The following ELOVL7 variants were observed in gnomAD, a reference collection of about 807,000 sequenced individuals.
The protein encoded by ELOVL7 is ELOVL fatty acid elongase 7, also known as very long chain fatty acid elongase 7.
Under a neutral mutation model 35.7 loss-of-function variants are expected in ELOVL7, and 27 were observed. The ratio of observed to expected loss-of-function variants is 0.76; its 90% CI spans 0.56 to 1.04. The LOEUF is 1.04. Ranked by LOEUF, ELOVL7 falls within the 50% of genes least tolerant of loss-of-function variation. The pLI is 0.00. For synonymous variants in ELOVL7, 113 were observed against 114.6 expected (o/e 0.99, Z 0.09); for missense variants, 327 against 340.8 (o/e 0.96, Z 0.32).
At chr5:60,812,003 G>A (rs1745263591) in intron 1 of ELOVL7, among the ~76,000 whole-genome samples, 1 of 152,076 alleles carries the variant, frequency 6.6e-6, no homozygotes, top group Non-Finnish European at 1.5e-5. Flanking sequence ...ATTGCTTGAG[G>A]CCAGGAGTTT....
rs767476025 is a variant in ELOVL7 at position 60,754,257 on chromosome 5, G to C, written c.*367C>G. On this transcript the variant is annotated 3_prime_UTR_variant, in exon 9 of 9. Transcript: ENST00000508821. ...AATCTATTTTATCACATGGATCTCC[G>C]TCTGTGCTCAAAATACCTAATGATA... 5.2e-6 allele frequency: 1 copy of C among 191,854 alleles called. No homozygotes were observed. Among genetic ancestry groups the C allele is most frequent in the Admixed American group, 5.4e-5 (1 of 18,668 alleles). 11.9% of individuals were successfully genotyped at this position (191,854 alleles called of 1,614,324 possible). A position where few individuals can be genotyped will look rare whatever the true frequency, so the allele number is the denominator to read the frequency against.
At chr5:60,761,693 C>T (rs578085293) in intron 7 of ELOVL7, among the ~76,000 whole-genome samples, 1 of 151,982 alleles carries the variant, frequency 6.6e-6, no homozygotes, top group Non-Finnish European at 1.5e-5. Flanking sequence ...ATAAGCTGAT[C>T]GTAGCAGAAT....
In ELOVL7 at chr5:60,795,293, G is replaced by C. The variant is rs116353298; in HGVS notation, c.-35+3887C>G. Among the ~76,000 whole-genome samples, 566 of 152,256 alleles carry C rather than the reference G, an allele frequency of 3.7e-3. 6 individuals carry two copies. The highest frequency in any genetic ancestry group is 0.013 in the African/African-American group (539 of 41,550). ...ACTAAGAATTCCTAAGCCTAGCTGG[G>C]GAAGGTGACTGCACCGGCCTTTAAA... On this transcript the variant is annotated intron_variant, in intron 2 of 8. Coordinates refer to ENST00000508821, the MANE Select transcript of ELOVL7 (RefSeq NM_024930.3).
chr5:60,807,796 G>A (rs542813845), intron 1 of ELOVL7, among the ~76,000 whole-genome samples: 71 of 151,704 alleles, frequency 4.7e-4, no homozygotes, highest in African/African-American at 1.5e-3. Context: ...TCAGGAGATC[G>A]AGACCACCCT....
intron 2 of ELOVL7, among the ~76,000 whole-genome samples, chr5:60,792,241 A>C (rs1306778749): frequency 6.6e-6 from 1 of 152,076 alleles, no homozygotes; most frequent in African/African-American, 2.4e-5. Flanking sequence ...CTTGTAGATA[A>C]TCTGTTGTCC....
At chr5:60,823,801 A>T (rs2112360823) in intron 1 of ELOVL7, among the ~76,000 whole-genome samples, 1 of 152,308 alleles carries the variant, frequency 6.6e-6, no homozygotes, top group East Asian at 1.9e-4. Flanking sequence ...CTGCCTCCAA[A>T]TTTCAGATTT....
In ELOVL7 at chr5:60,767,809, A is replaced by C; in HGVS notation, c.336+14T>G. Reference sequence around the variant, plus strand: ...TTGATTTTGAATTTCAAGTTTTTCCAAAGAGAAACTTACCCTCAAAGCTGT... The same window carrying C: ...TTGATTTTGAATTTCAAGTTTTTCCCAAGAGAAACTTACCCTCAAAGCTGT... On this transcript the variant is annotated intron_variant, in intron 5 of 8. Transcript: ENST00000508821. 4 of 1,605,104 alleles carry C rather than the reference A, an allele frequency of 2.5e-6. No homozygotes were observed. Among genetic ancestry groups the C allele is most frequent in the Non-Finnish European group, 3.4e-6 (4 of 1,172,128 alleles).
At chr5:60,765,039 C>A (rs979425562) in intron 6 of ELOVL7, among the ~76,000 whole-genome samples, 2 of 152,034 alleles carry the variant, frequency 1.3e-5, no homozygotes, top group East Asian at 3.9e-4. Flanking sequence ...TTTTTAAATA[C>A]AAGACTAAAC....
intron 1 of ELOVL7, among the ~76,000 whole-genome samples, chr5:60,815,265 A>G (rs1002038944): frequency 3.9e-5 from 6 of 152,224 alleles, no homozygotes; most frequent in Non-Finnish European, 5.9e-5. Flanking sequence ...ACTTCCTCCT[A>G]TATGGGAACA....
intron 1 of ELOVL7, among the ~76,000 whole-genome samples, chr5:60,840,488 A>G (rs1747101043): frequency 6.6e-6 from 1 of 152,254 alleles, no homozygotes. Context: ...GAAGGGTTCA[A>G]CACTGCTGAC....
intron 5 of ELOVL7, among the ~76,000 whole-genome samples, chr5:60,766,874 A>G (rs1159340788): frequency 6.6e-6 from 1 of 152,102 alleles, no homozygotes; most frequent in African/African-American, 2.4e-5. Context: ...CTCCCTCTCT[A>G]ACCCCAGCTA....
chr5:60,802,097 T>C (rs1579875077), intron 1 of ELOVL7, among the ~76,000 whole-genome samples: 1 of 14,832 alleles, frequency 6.7e-5, no homozygotes, highest in African/African-American at 5.7e-4. Context: ...TATATATATA[T>C]ATATATATAT....
chr5:60,762,870 T>C (rs1451123273), intron 7 of ELOVL7, among the ~76,000 whole-genome samples: 1 of 152,186 alleles, frequency 6.6e-6, no homozygotes, highest in Non-Finnish European at 1.5e-5. Context: ...CAAGTAATAA[T>C]AACCACTCTA....
At chr5:60,829,087 G>C (rs879460112) in intron 1 of ELOVL7, among the ~76,000 whole-genome samples, 1 of 151,806 alleles carries the variant, frequency 6.6e-6, no homozygotes, top group African/African-American at 2.4e-5. Flanking sequence ...TAAATGTTTA[G>C]AAATTTCTAT....
At position 60,766,597 on chromosome 5, in the gene ELOVL7, T is replaced by G; in HGVS notation, c.370A>C (p.Lys124Gln). 1 of 1,612,932 alleles carries G rather than the reference T, an allele frequency of 6.2e-7. No individual in the cohort carries two copies. The highest frequency in any genetic ancestry group is 8.5e-7 in the Non-Finnish European group (1 of 1,179,494). ...ARTCWLYYFS[K>Q]FIELLDTIFF... is the part of the protein sequence containing the mutation. Reference sequence around the variant, plus strand: ...ACCGTATCTAATAGCTCAATAAATTTGGAGAAGTAATAAAGCCAGCAGGTA... The same window carrying G: ...ACCGTATCTAATAGCTCAATAAATTGGGAGAAGTAATAAAGCCAGCAGGTA... Residue 124 changes from lysine to glutamine, a missense_variant, in exon 6 of 9, where the codon AAA becomes CAA. By Grantham distance (53) the Lys-to-Gln change is moderately conservative. Transcript: ENST00000508821.
At chr5:60,784,046 TA>T in intron 3 of ELOVL7, 1 of 869,664 alleles carries the variant, frequency 1.1e-6, no homozygotes, top group Non-Finnish European at 1.9e-6. Context: ...AATTCGTTTC[TA>T]AGAGTGTCCC....
At chr5:60,765,017 C>T (rs960140777) in intron 6 of ELOVL7, among the ~76,000 whole-genome samples, 24 of 152,088 alleles carry the variant, frequency 1.6e-4, no homozygotes, top group African/African-American at 5.5e-4. Flanking sequence ...ATTAAGAATA[C>T]GAGTGTTAAG....
intron 1 of ELOVL7, among the ~76,000 whole-genome samples, chr5:60,802,061 CATATATATATAT>C (rs59849955): frequency 0.01 from 792 of 76,894 alleles, 16 homozygotes; most frequent in Non-Finnish European, 0.012. Context: ...AATAAACTCT[CATATATATATAT>C]ATATATATAT....
chr5:60,825,932 T>C (rs1354809383), intron 1 of ELOVL7, among the ~76,000 whole-genome samples: 1 of 152,244 alleles, frequency 6.6e-6, no homozygotes, highest in Non-Finnish European at 1.5e-5. Flanking sequence ...TTGGCAGTCA[T>C]AGGTTCAGTC....
Sources: gnomAD v4.1 joint callset for allele counts (sites outside exome capture counted in the v4.1 genomes callset) on GRCh38, gnomAD v4.1.1 for gene constraint, MANE v1.5 for transcripts, NCBI Gene and HGNC (gene_info 2026-07-23, HGNC 2026-07-21) for gene names.